Variants in CDH9 observed in about 807,000 individuals in gnomAD.
CDH9 encodes cadherin-9.
Under a neutral mutation model 70.9 loss-of-function variants are expected in CDH9, and 28 were observed. The observed-to-expected ratio is 0.40, with a 90% CI of 0.29 to 0.54. The LOEUF (loss-of-function observed/expected upper bound fraction) is 0.54, where lower values mean the gene tolerates loss of function less well. Among genes scored for constraint, CDH9 ranks in the 20% least tolerant of loss-of-function variants. The pLI, the probability that CDH9 is intolerant of heterozygous loss-of-function variation, is 0.59. For synonymous variants in CDH9, 409 were observed against 343.1 expected, an observed-to-expected ratio of 1.19 and a Z score of -2.12; for missense variants, 874 against 984.4, an observed-to-expected ratio of 0.89 and a Z score of 1.50.
chr5:26,924,518 AATATAT>A lies in CDH9; in HGVS notation c.229-8600_229-8595del, dbSNP rs1261761764. 2.7e-5 allele frequency among the ~76,000 whole-genome samples: 4 copies of A among 149,312 alleles called. No homozygotes were observed. The East Asian group carries it at 7.9e-4, about 29-fold the overall frequency. On this transcript the variant is annotated intron_variant, in intron 2 of 11. Transcript: ENST00000231021. ...AACTATTTAAAAAAATAGAGGAGGA[AATATAT>A]ATATATTATATATATAAAATAAGTA...
chr5:26,965,093 C>G (rs916958954), intron 2 of CDH9, among the ~76,000 whole-genome samples: 3 of 152,040 alleles, frequency 2.0e-5, no homozygotes, highest in Non-Finnish European at 4.4e-5. Context: ...AAGGGACAGA[C>G]GCTGAGTAGA....
intron 1 of CDH9, among the ~76,000 whole-genome samples, chr5:27,025,216 G>A (rs1743201367): frequency 6.6e-6 from 1 of 151,976 alleles, no homozygotes; most frequent in Non-Finnish European, 1.5e-5. Flanking sequence ...TCACACAAGC[G>A]GTATAGACCT....
intron 2 of CDH9, among the ~76,000 whole-genome samples, chr5:26,941,249 A>T (rs986744003): frequency 6.6e-6 from 1 of 152,210 alleles, no homozygotes; most frequent in Non-Finnish European, 1.5e-5. Context: ...CCATGAGATG[A>T]ATGCAGATTG....
chr5:26,944,582 A>G (rs749625822), intron 2 of CDH9, among the ~76,000 whole-genome samples: 11 of 152,270 alleles, frequency 7.2e-5, no homozygotes, highest in Non-Finnish European at 7.4e-5. Flanking sequence ...GAGCTCAGGA[A>G]GTCAAGACTG....
intron 1 of CDH9, among the ~76,000 whole-genome samples, chr5:27,022,722 C>A (rs1237627176): frequency 6.6e-6 from 1 of 152,000 alleles, no homozygotes; most frequent in Non-Finnish European, 1.5e-5. Flanking sequence ...TAATGAAATT[C>A]TAAACCACAT....
chr5:27,029,354 T>C (rs1267044504), intron 1 of CDH9, among the ~76,000 whole-genome samples: 1 of 152,032 alleles, frequency 6.6e-6, no homozygotes, highest in East Asian at 1.9e-4. Flanking sequence ...ATGTTTATAC[T>C]GAAGAGAAAA....
chr5:26,984,423 G>C (rs928153145), intron 2 of CDH9, among the ~76,000 whole-genome samples: 1 of 152,102 alleles, frequency 6.6e-6, no homozygotes, highest in East Asian at 1.9e-4. Flanking sequence ...TGTCTGCTGT[G>C]TCTGGGTATT....
chr5:26,919,951 G>A (rs1380276575), intron 2 of CDH9, among the ~76,000 whole-genome samples: 1 of 152,098 alleles, frequency 6.6e-6, no homozygotes, highest in African/African-American at 2.4e-5. Context: ...CTTCAGGTGT[G>A]ATCAAGCACA....
chr5:26,981,269 C>G (rs1001866979), intron 2 of CDH9, among the ~76,000 whole-genome samples: 1 of 152,026 alleles, frequency 6.6e-6, no homozygotes, highest in East Asian at 1.9e-4. Flanking sequence ...TGCAAATGCT[C>G]AAGTCCCTAT....
chr5:26,955,885 G>A (rs1240826280), intron 2 of CDH9, among the ~76,000 whole-genome samples: 1 of 152,014 alleles, frequency 6.6e-6, no homozygotes, highest in Non-Finnish European at 1.5e-5. Context: ...TCAAATCCTA[G>A]GTCTGCAAAT....
chr5:27,025,131 T>C (rs984586995), intron 1 of CDH9, among the ~76,000 whole-genome samples: 6 of 152,084 alleles, frequency 3.9e-5, no homozygotes, highest in African/African-American at 1.4e-4. Flanking sequence ...AAATGTGTAA[T>C]CTATTGTGTA....
intron 1 of CDH9, among the ~76,000 whole-genome samples, chr5:27,015,834 A>G (rs1743037741): frequency 6.6e-6 from 1 of 151,766 alleles, no homozygotes; most frequent in Non-Finnish European, 1.5e-5. Context: ...CACCTGTGTC[A>G]ACAGCACTAG....
At chr5:26,954,874 T>C (rs959356667) in intron 2 of CDH9, among the ~76,000 whole-genome samples, 2 of 152,268 alleles carry the variant, frequency 1.3e-5, no homozygotes, top group East Asian at 3.9e-4. Flanking sequence ...TCAACATAAA[T>C]AATTTATAGT....
In CDH9 at chr5:26,890,051, T is replaced by C. The variant is rs1740630160; in HGVS notation, c.1391-94A>G. The C allele has an allele frequency of 7.0e-6, 8 of 1,147,042 alleles. No individual in the cohort carries two copies. In the East Asian group the frequency reaches 1.7e-4, roughly 24 times the overall value. The allele number at this position is 1,147,042 out of a possible 1,614,324, so 71.1% of individuals were successfully genotyped here. A position where few individuals can be genotyped will look rare whatever the true frequency, so the allele number is the denominator to read the frequency against. ...GTAGCTTAGCAACAGATCCTTTTTG[T>C]GGTGTTCACTTTCTCAATTGGGCTG... On this transcript the variant is annotated intron_variant, in intron 8 of 11. Coordinates refer to ENST00000231021, the MANE Select transcript of CDH9 (RefSeq NM_016279.4).
At chr5:27,030,403 G>T (rs533949050) in intron 1 of CDH9, among the ~76,000 whole-genome samples, 1 of 151,534 alleles carries the variant, frequency 6.6e-6, no homozygotes, top group Non-Finnish European at 1.5e-5. Flanking sequence ...AGGTTAAAAA[G>T]GAGAAGCACT....
chr5:26,941,132 T>C (rs1741655574), intron 2 of CDH9, among the ~76,000 whole-genome samples: 1 of 152,234 alleles, frequency 6.6e-6, no homozygotes, highest in Admixed American at 6.5e-5. Flanking sequence ...TGCTCAGTTT[T>C]AAATCAGAAT....
At chr5:26,959,196 G>A (rs1406149758) in intron 2 of CDH9, among the ~76,000 whole-genome samples, 1 of 151,898 alleles carries the variant, frequency 6.6e-6, no homozygotes, top group Non-Finnish European at 1.5e-5. Context: ...ATGAATAAAT[G>A]GCTTGAAAAT....
At chr5:27,030,527 A>G (rs1288186997) in intron 1 of CDH9, among the ~76,000 whole-genome samples, 3 of 132,788 alleles carry the variant, frequency 2.3e-5, no homozygotes, top group Non-Finnish European at 5.0e-5. Flanking sequence ...AGCAGGGATT[A>G]AAAAAAAAAA....
At chr5:27,036,651 A>C (rs1743398857) in intron 1 of CDH9, among the ~76,000 whole-genome samples, 1 of 151,668 alleles carries the variant, frequency 6.6e-6, no homozygotes, top group Non-Finnish European at 1.5e-5. Flanking sequence ...AATTCATACT[A>C]CTCTCTGCTT....
Sources: allele counts gnomAD v4.1 joint callset (sites outside exome capture counted in the v4.1 genomes callset), GRCh38; gene constraint gnomAD v4.1.1; transcripts MANE v1.5; gene names NCBI Gene and HGNC (gene_info 2026-07-23, HGNC 2026-07-21).